Variants in AIG1 observed in about 807,000 individuals in gnomAD.
AIG1 encodes the protein androgen induced 1.
Under a neutral mutation model 31.4 loss-of-function variants are expected in AIG1, and 23 were observed. The ratio of observed to expected loss-of-function variants is 0.73; its 90% confidence interval spans 0.53 to 1.04. AIG1 has a LOEUF of 1.04. Ranked by LOEUF, AIG1 falls within the 50% of genes least tolerant of loss-of-function variation. The probability of loss-of-function intolerance (pLI) is 0.00; values close to 1 mark genes in which losing one functional copy is unlikely to be tolerated. For synonymous variants in AIG1, 100 were observed against 110.5 expected, an observed-to-expected ratio of 0.90 and a Z score of 0.60; for missense variants, 274 against 295.0, an observed-to-expected ratio of 0.93 and a Z score of 0.52.
chr6:143,144,897 T>TA (rs1247951143), intron 2 of AIG1, among the ~76,000 whole-genome samples: 44 of 152,356 alleles, frequency 2.9e-4, no homozygotes, highest in Middle Eastern at 6.8e-3. Flanking sequence ...GAGCAGTGTC[T>TA]AAATAATTCA....
intron 3 of AIG1, among the ~76,000 whole-genome samples, chr6:143,223,523 T>G (rs1017138915): frequency 7.9e-5 from 12 of 152,204 alleles, no homozygotes; most frequent in Non-Finnish European, 1.2e-4. Context: ...TGTTGCTTTT[T>G]GAAATGCTGT....
chr6:143,124,209 C>T (rs1266929958), intron 1 of AIG1, among the ~76,000 whole-genome samples: 1 of 152,152 alleles, frequency 6.6e-6, no homozygotes, highest in Non-Finnish European at 1.5e-5. Context: ...ACAGAAAGGC[C>T]GATGTTGAGC....
chr6:143,155,746 A>T lies in AIG1; in HGVS notation c.298-9336A>T, dbSNP rs148937990. Among the ~76,000 whole-genome samples, 415 of 152,286 alleles carry T rather than the reference A, an allele frequency of 2.7e-3. 2 individuals carry two copies. Among genetic ancestry groups the T allele is most frequent in the African/African-American group, 9.5e-3 (393 of 41,548 alleles). On this transcript the variant is annotated intron_variant, in intron 2 of 5. Transcript: ENST00000357847. ...GAATGGATACTTCAAGTGTGTGATG[A>T]GTTTGGGAAGCCACACATAGTCTGG...
chr6:143,168,230 A>T (rs1787148374), intron 3 of AIG1, among the ~76,000 whole-genome samples: 1 of 152,066 alleles, frequency 6.6e-6, no homozygotes, highest in Non-Finnish European at 1.5e-5. Flanking sequence ...AATATATGGA[A>T]ATAAGTCCAT....
chr6:143,307,808 G>A (rs1799453217), intron 4 of AIG1, among the ~76,000 whole-genome samples: 1 of 152,248 alleles, frequency 6.6e-6, no homozygotes, highest in African/African-American at 2.4e-5. Context: ...CCCAGAGGTG[G>A]AGCCTACAGA....
At chr6:143,255,909 G>A (rs1795349918) in intron 3 of AIG1, among the ~76,000 whole-genome samples, 1 of 152,100 alleles carries the variant, frequency 6.6e-6, no homozygotes, top group African/African-American at 2.4e-5. Flanking sequence ...CTGTTTTGCA[G>A]AATATCTGTT....
rs142729201 is a variant in AIG1, at chr6:143,158,633, T to G, written c.298-6449T>G. On this transcript the variant is annotated intron_variant, in intron 2 of 5. Coordinates refer to ENST00000357847, the MANE Select transcript of AIG1 (RefSeq NM_016108.4). ...AGTCCAGAGGATTATTATAGGATGA[T>G]AGAAGACTTAAGCAGGTGAGGGACG... 2.3e-3 allele frequency among the ~76,000 whole-genome samples: 356 copies of G among 152,298 alleles called. 1 individual carries two copies. Among genetic ancestry groups the G allele is most frequent in the African/African-American group, 8.2e-3 (342 of 41,560 alleles).
chr6:143,313,911 G>C (rs2128709526), intron 4 of AIG1, among the ~76,000 whole-genome samples: 1 of 152,048 alleles, frequency 6.6e-6, no homozygotes. Context: ...TTTAAACTAA[G>C]AAGCTTGATA....
At chr6:143,273,069 A>T (rs935618776) in intron 3 of AIG1, among the ~76,000 whole-genome samples, 10 of 152,246 alleles carry the variant, frequency 6.6e-5, no homozygotes, top group African/African-American at 2.4e-4. Flanking sequence ...GCGGAGGTTG[A>T]AGTGAGCTGA....
chr6:143,071,959 T>A (rs917362267), intron 1 of AIG1, among the ~76,000 whole-genome samples: 105 of 150,116 alleles, frequency 7.0e-4, no homozygotes, highest in East Asian at 4.1e-3. Context: ...TGTTTTTTTT[T>A]AAATTTTTTT....
At chr6:143,259,014 G>C (rs139390671) in intron 3 of AIG1, among the ~76,000 whole-genome samples, 54 of 152,314 alleles carry the variant, frequency 3.5e-4, no homozygotes, top group African/African-American at 1.2e-3. Context: ...CAAAAGGGCA[G>C]TGGATCCTCT....
At chr6:143,147,593 G>A (rs1562426685) in intron 2 of AIG1, among the ~76,000 whole-genome samples, 1 of 152,086 alleles carries the variant, frequency 6.6e-6, no homozygotes, top group African/African-American at 2.4e-5. Flanking sequence ...AATAAAATTA[G>A]CATTGAGTCA....
chr6:143,290,550 C>T (rs1486000346), intron 4 of AIG1, among the ~76,000 whole-genome samples: 1 of 152,158 alleles, frequency 6.6e-6, no homozygotes, highest in African/African-American at 2.4e-5. Context: ...CACCATTTTT[C>T]CTCTTAGTGT....
intron 3 of AIG1, among the ~76,000 whole-genome samples, chr6:143,209,924 C>G (rs1034387822): frequency 3.3e-5 from 5 of 152,220 alleles, no homozygotes; most frequent in Non-Finnish European, 7.3e-5. Flanking sequence ...GTCGTGTTCA[C>G]TGCTGTATCC....
chr6:143,261,572 G>GT (rs1562534721), intron 3 of AIG1, among the ~76,000 whole-genome samples: 2 of 152,004 alleles, frequency 1.3e-5, no homozygotes, highest in African/African-American at 4.8e-5. Flanking sequence ...CAGAATTTAT[G>GT]TGGCAAAAAA....
At chr6:143,237,116 T>C (rs775617043) in intron 3 of AIG1, among the ~76,000 whole-genome samples, 18 of 152,246 alleles carry the variant, frequency 1.2e-4, no homozygotes, top group Non-Finnish European at 2.1e-4. Flanking sequence ...TTAACTGTTT[T>C]GTATACTGCA....
At position 143,330,479 on chromosome 6, in the gene AIG1, T is replaced by C. The variant is rs1280424799; in HGVS notation, c.516-2803T>C. Among the ~76,000 whole-genome samples, 1 of 151,882 alleles carries C rather than the reference T, an allele frequency of 6.6e-6. No homozygotes were observed. Among genetic ancestry groups the C allele is most frequent in the African/African-American group, 2.4e-5 (1 of 41,312 alleles). ...GCCTGGAGGCAGAGAGAGCTTAGAGTGTTCGAGGAACACCAAGGAGTTGAT... is the reference window on the plus strand; with the variant it reads ...GCCTGGAGGCAGAGAGAGCTTAGAGCGTTCGAGGAACACCAAGGAGTTGAT... On this transcript the variant is annotated intron_variant, in intron 4 of 5. Transcript: ENST00000357847. This position sits in a 1 kb window ranked among gnomAD's most constrained non-coding sequence, Gnocchi z 4.4.
At chr6:143,335,087 G>A in intron 5 of AIG1, 1 of 1,450,194 alleles carries the variant, frequency 6.9e-7, no homozygotes. Flanking sequence ...GGACCATCTA[G>A]TTAGTTCCAC....
chr6:143,330,135 G>A lies in AIG1; in HGVS notation c.516-3147G>A, dbSNP rs888297275. On this transcript the variant is annotated intron_variant, in intron 4 of 5. Coordinates refer to ENST00000357847, the MANE Select transcript of AIG1 (RefSeq NM_016108.4). The surrounding 1 kb of genome is among the most constrained non-coding windows in gnomAD (Gnocchi z 4.4). Reference sequence around the variant, plus strand: ...TTAATTCAACAAATAGTTATTGAGTGCATACTCTGCCAGATACTGCTCCAA... The same window carrying A: ...TTAATTCAACAAATAGTTATTGAGTACATACTCTGCCAGATACTGCTCCAA... Among the ~76,000 whole-genome samples the A allele has an allele frequency of 2.0e-5, 3 of 152,138 alleles. No individual in the cohort carries two copies. Among genetic ancestry groups the A allele is most frequent in the African/African-American group, 7.2e-5 (3 of 41,432 alleles).
Sources: allele counts gnomAD v4.1 joint callset (sites outside exome capture counted in the v4.1 genomes callset), GRCh38; gene constraint gnomAD v4.1.1; non-coding constraint Gnocchi (gnomAD v3.1); transcripts MANE v1.5; gene names NCBI Gene and HGNC (gene_info 2026-07-23, HGNC 2026-07-21).